Variants in CCDC149 observed in about 807,000 individuals in gnomAD.
CCDC149 encodes the protein coiled-coil domain containing 149, also known as coiled-coil domain-containing protein 149.
CCDC149 carries 45 observed loss-of-function variants against 59.9 expected under a neutral mutation model. The ratio of observed to expected loss-of-function variants is 0.75; its 90% CI spans 0.59 to 0.96. CCDC149 has a LOEUF of 0.96. CCDC149 is among the 40% of genes least tolerant of loss of function. The probability of loss-of-function intolerance (pLI) is 0.00; values close to 1 mark genes in which losing one functional copy is unlikely to be tolerated. For synonymous variants in CCDC149, 245 were observed against 260.6 expected (o/e 0.94, Z 0.58); for missense variants, 584 against 664.7 (o/e 0.88, Z 1.33).
chr4:24,828,209 G>GA (rs1448287830), intron 9 of CCDC149: 2 of 147,224 alleles, frequency 1.4e-5, no homozygotes, highest in Non-Finnish European at 3.0e-5. Flanking sequence ...ATTACAGGGG[G>GA]AAAAATCAAG....
chr4:24,923,814 C>T (rs7688129), intron 1 of CCDC149, among the ~76,000 whole-genome samples: 69 of 152,270 alleles, frequency 4.5e-4, no homozygotes, highest in African/African-American at 1.6e-3. Context: ...AACAAAGACA[C>T]CCAAATATAC....
At chr4:24,894,423 C>T (rs1720725912) in intron 1 of CCDC149, among the ~76,000 whole-genome samples, 2 of 152,086 alleles carry the variant, frequency 1.3e-5, no homozygotes, top group South Asian at 4.2e-4. Flanking sequence ...CCTACATAAT[C>T]AAGACTCAGC....
intron 1 of CCDC149, among the ~76,000 whole-genome samples, chr4:24,945,624 C>CTTTTTTTTTTTTTTTTTTTT (rs33977689): frequency 7.1e-6 from 1 of 141,764 alleles, no homozygotes. Flanking sequence ...TATGCCCTAA[C>CTTTTTTTTTTTTTTTTTTTT]TTTTTTTTTT....
intron 4 of CCDC149, among the ~76,000 whole-genome samples, chr4:24,851,325 T>C (rs1406946442): frequency 6.6e-6 from 1 of 152,228 alleles, no homozygotes; most frequent in Non-Finnish European, 1.5e-5. Context: ...TGCACTGGCA[T>C]GATCATGGTT....
At chr4:24,977,671 C>T (rs537162968) in intron 1 of CCDC149, among the ~76,000 whole-genome samples, 5 of 152,212 alleles carry the variant, frequency 3.3e-5, no homozygotes, top group East Asian at 1.9e-4. Flanking sequence ...CCTGCTACCC[C>T]TAAAGAGGAT....
At chr4:24,965,495 TG>T (rs1398729937) in intron 1 of CCDC149, among the ~76,000 whole-genome samples, 3,215 of 151,048 alleles carry the variant, frequency 0.021, 105 homozygotes, top group African/African-American at 0.06. Context: ...GAAAAATCTC[TG>T]GAAAATTCCC....
intron 3 of CCDC149, among the ~76,000 whole-genome samples, chr4:24,854,658 G>A (rs1717889584): frequency 6.6e-6 from 1 of 152,166 alleles, no homozygotes; most frequent in South Asian, 2.1e-4. Flanking sequence ...ACTATGGTGG[G>A]TACTAAAAAC....
chr4:24,885,092 T>C (rs1226013308), intron 1 of CCDC149, among the ~76,000 whole-genome samples: 1 of 151,860 alleles, frequency 6.6e-6, no homozygotes, highest in Non-Finnish European at 1.5e-5. Flanking sequence ...CTGGCTGTGG[T>C]GGAGGGTGGG....
chr4:24,808,271 T>C lies in CCDC149; in HGVS notation c.*118A>G. The stretch of plus-strand genomic sequence containing the variant: ...TTTGCAACAGGATCAGTGCGTTTTC[T>C]CACTTGCAGACTCGGAGGTATTTCA... On this transcript the variant is annotated 3_prime_UTR_variant, in exon 13 of 13. Transcript: ENST00000635206. 1 of 904,768 alleles carries C rather than the reference T, an allele frequency of 1.1e-6. No homozygotes were observed. The highest frequency in any genetic ancestry group is 1.6e-6 in the Non-Finnish European group (1 of 636,762). 56.0% of individuals were successfully genotyped at this position (904,768 alleles called of 1,614,324 possible).
At chr4:24,885,841 A>C (rs1720141341) in intron 1 of CCDC149, among the ~76,000 whole-genome samples, 1 of 152,146 alleles carries the variant, frequency 6.6e-6, no homozygotes, top group African/African-American at 2.4e-5. Flanking sequence ...AGAGAAATGA[A>C]ATTAGTATTT....
intron 1 of CCDC149, among the ~76,000 whole-genome samples, chr4:24,948,072 A>C (rs1453709797): frequency 2.6e-5 from 4 of 152,200 alleles, no homozygotes; most frequent in Non-Finnish European, 5.9e-5. Context: ...TGGAACTGTA[A>C]ATTCACAGGC....
chr4:24,936,312 A>ATTTT lies in CCDC149; in HGVS notation c.-64-41198_-64-41195dup, dbSNP rs71187201. On this transcript the variant is annotated intron_variant, in intron 1 of 12. Transcript: ENST00000389609. Reference sequence around the variant, plus strand: ...TTTAAGATGGGCAATATTGCCACATATTTTTATAATGATTGAAATATATCA... The same window carrying ATTTT: ...TTTAAGATGGGCAATATTGCCACATATTTTTTTTTATAATGATTGAAATATATCA... Among the ~76,000 whole-genome samples, 349 of 151,912 alleles carry ATTTT rather than the reference A, an allele frequency of 2.3e-3. 2 individuals carry two copies. The highest frequency in any genetic ancestry group is 7.9e-3 in the African/African-American group (328 of 41,384).
intron 1 of CCDC149, among the ~76,000 whole-genome samples, chr4:24,939,223 A>G (rs1722877996): frequency 6.6e-6 from 1 of 152,184 alleles, no homozygotes; most frequent in African/African-American, 2.4e-5. Context: ...AGGCAGCAGC[A>G]TTTGCGGTTC....
intron 1 of CCDC149, among the ~76,000 whole-genome samples, chr4:24,887,816 A>AG (rs887096417): frequency 3.3e-5 from 5 of 151,924 alleles, no homozygotes; most frequent in Middle Eastern, 3.2e-3. Context: ...TTAAAAAAAA[A>AG]AAAATCTCTG....
At chr4:24,829,246 T>C (rs1715971090) in intron 9 of CCDC149, 1 of 152,382 alleles carries the variant, frequency 6.6e-6, no homozygotes, top group Admixed American at 6.5e-5. Context: ...TGATGGAATT[T>C]GAGGAGCTGA....
At chr4:24,848,437 C>T (rs1022300113) in intron 4 of CCDC149, among the ~76,000 whole-genome samples, 28 of 152,082 alleles carry the variant, frequency 1.8e-4, no homozygotes, top group African/African-American at 5.8e-4. Context: ...GGCGTGGTGG[C>T]GCGTGCCTGT....
chr4:24,828,466 C>T (rs1715906749), intron 9 of CCDC149: 2 of 151,848 alleles, frequency 1.3e-5, no homozygotes, highest in African/African-American at 4.8e-5. Context: ...GTTATTTAAC[C>T]TTAAATTAAT....
intron 9 of CCDC149, among the ~76,000 whole-genome samples, chr4:24,825,633 T>C (rs930766076): frequency 1.1e-4 from 17 of 151,330 alleles, no homozygotes; most frequent in Admixed American, 5.9e-4. Context: ...ATTAGCTGGG[T>C]GTGGTGGCAG....
At chr4:24,937,478 G>T (rs554800995) in intron 1 of CCDC149, among the ~76,000 whole-genome samples, 1 of 152,332 alleles carries the variant, frequency 6.6e-6, no homozygotes, top group East Asian at 1.9e-4. Context: ...AATAGGTTAT[G>T]CTGCAGTGAC....
Sources: allele counts gnomAD v4.1 joint callset (sites outside exome capture counted in the v4.1 genomes callset), GRCh38; gene constraint gnomAD v4.1.1; transcripts MANE v1.5; gene names NCBI Gene and HGNC (gene_info 2026-07-23, HGNC 2026-07-21).